Variants in TRPV5 observed in about 807,000 individuals in gnomAD.
The protein encoded by TRPV5 is calcium transport protein 2.
Under a neutral mutation model 74.1 loss-of-function variants are expected in TRPV5, and 66 were observed. That is an observed-to-expected ratio of 0.89 (90% confidence interval 0.73 to 1.09). TRPV5 has a LOEUF of 1.09. Ranked by LOEUF, TRPV5 falls within the 50% of genes least tolerant of loss-of-function variation. The pLI, the probability that TRPV5 is intolerant of heterozygous loss-of-function variation, is 0.00. For synonymous variants in TRPV5, 399 were observed against 360.7 expected (o/e 1.11, Z -1.20); for missense variants, 936 against 930.4 (o/e 1.01, Z -0.08).
chr7:142,925,810 C>T, intron 7 of TRPV5, 69 bp from the exon 8 acceptor site: 2 of 1,358,408 alleles, frequency 1.5e-6, no homozygotes, highest in South Asian at 1.2e-5. Flanking sequence ...CACTGGGGGC[C>T]AGAAGAGGCA....
intron 13 of TRPV5, among the ~76,000 whole-genome samples, chr7:142,910,555 C>T (rs1296338153): frequency 6.6e-6 from 1 of 152,182 alleles, no homozygotes; most frequent in Non-Finnish European, 1.5e-5. Flanking sequence ...TAGATCAGAA[C>T]CAGGAAGGCT....
chr7:142,913,098 C>CAAAA (rs1795730139), intron 12 of TRPV5, among the ~76,000 whole-genome samples: 1 of 152,100 alleles, frequency 6.6e-6, no homozygotes, highest in African/African-American at 2.4e-5. Context: ...TTTTAGAAAA[C>CAAAA]CAAATACTTA....
rs544172413 is a variant in TRPV5 at position 142,928,551 on chromosome 7, G to A, written c.762+140C>T. The A allele has an allele frequency of 4.7e-6, 6 of 1,270,074 alleles. No individual in the cohort carries two copies. The East Asian group carries it at 1.3e-4, about 27-fold the overall frequency. 78.7% of individuals were successfully genotyped at this position (1,270,074 alleles called of 1,614,324 possible). On this transcript the variant is annotated intron_variant, in intron 6 of 14. Transcript: ENST00000265310. Reference sequence around the variant, plus strand: ...ATTTCAGTGATGGAATAGGAAGCAAGGGACCACCATCCCTTTGGGGAGTTT... The same window carrying A: ...ATTTCAGTGATGGAATAGGAAGCAAAGGACCACCATCCCTTTGGGGAGTTT...
Position 142,915,330 on chromosome 7 carries a change from A to G in TRPV5, c.1263T>C (p.Leu421=). ...GASRYFGKTI[L]GGPFHVIIIT... Reference sequence around the variant, plus strand: ...ACATGATGACATGGAATGGCCCCCCAAGAATCGTCTTTCCAAAATAGCGAG... The same window carrying G: ...ACATGATGACATGGAATGGCCCCCCGAGAATCGTCTTTCCAAAATAGCGAG... Residue 421 remains leucine, a synonymous_variant, in exon 10 of 15, where the codon CTT becomes CTC. Coordinates refer to ENST00000265310, the MANE Select transcript of TRPV5 (RefSeq NM_019841.7). 1.9e-6 allele frequency: 3 copies of G among 1,608,620 alleles called. No homozygotes were observed. Among genetic ancestry groups the G allele is most frequent in the Non-Finnish European group, 2.5e-6 (3 of 1,178,720 alleles).
intron 1 of TRPV5, among the ~76,000 whole-genome samples, chr7:142,932,588 G>A (rs1796114571): frequency 6.6e-6 from 1 of 152,128 alleles, no homozygotes; most frequent in Non-Finnish European, 1.5e-5. Context: ...CTGTTGGGTG[G>A]GAGGCAAGCC....
rs1796045633 is a variant in TRPV5, at chr7:142,929,416, C to T, written c.487+12G>A. On this transcript the variant is annotated intron_variant, in intron 4 of 14. Coordinates refer to ENST00000265310, the MANE Select transcript of TRPV5 (RefSeq NM_019841.7). ...CCAGCCAACCATCCTTCAAGCCCAA[C>T]CCTGCTCTCACCAAAGTAGATGAGG... The T allele has an allele frequency of 1.9e-6, 3 of 1,613,512 alleles. No homozygotes were observed. Among genetic ancestry groups the T allele is most frequent in the Non-Finnish European group, 2.5e-6 (3 of 1,179,546 alleles).
chr7:142,930,267 C>A lies in TRPV5; in HGVS notation c.226+82G>T, dbSNP rs144412406. 3.7e-3 allele frequency: 5,967 copies of A among 1,610,134 alleles called. 15 individuals are homozygous for A. Among genetic ancestry groups the A allele is most frequent in the Non-Finnish European group, 4.5e-3 (5,270 of 1,177,104 alleles). On this transcript the variant is annotated intron_variant, in intron 2 of 14. Transcript: ENST00000265310. ...AGGCTCCAGAGACACCCTCCAAGGC[C>A]CTATTTCACAAACTCGAAGTCTTGG... is the stretch of plus-strand genomic sequence containing the variant.
chr7:142,925,884 C>T, intron 7 of TRPV5, 143 bp from the exon 8 acceptor site: 1 of 730,458 alleles, frequency 1.4e-6, no homozygotes, highest in Non-Finnish European at 2.3e-6. Flanking sequence ...AGTATATTTC[C>T]TGCATATGGC....
At chr7:142,924,381 T>TATATACATATACATGTATATATATAC (rs1795947358) in intron 8 of TRPV5, among the ~76,000 whole-genome samples, 2 of 117,180 alleles carry the variant, frequency 1.7e-5, no homozygotes, top group African/African-American at 8.4e-5. Context: ...TATACATATA[T>TATATACATATACATGTATATATATAC]ATATATATAT....
chr7:142,915,087 C>T, intron 10 of TRPV5, 41 bp from the exon 11 acceptor site: 3 of 1,603,696 alleles, frequency 1.9e-6, no homozygotes, highest in Non-Finnish European at 1.7e-6. Context: ...CAAGCTGGAA[C>T]TATTTTAGGT....
Position 142,928,978 on chromosome 7 carries a change from G to A in TRPV5, c.586+44C>T, listed in dbSNP as rs4252408. 3.3e-3 allele frequency: 5,252 copies of A among 1,612,774 alleles called. 150 individuals are homozygous for A. In the African/African-American group the frequency reaches 0.058, roughly 18 times the overall value. On this transcript the variant is annotated intron_variant, in intron 5 of 14. Transcript: ENST00000265310. Reference sequence around the variant, plus strand: ...AGCTCCACTCCTTACCCTGTCCCTCGCTCCCCACAGCATCCCAGCTCCCCT... The same window carrying A: ...AGCTCCACTCCTTACCCTGTCCCTCACTCCCCACAGCATCCCAGCTCCCCT...
At chr7:142,927,040 A>G (rs1796000599) in intron 7 of TRPV5, among the ~76,000 whole-genome samples, 1 of 152,080 alleles carries the variant, frequency 6.6e-6, no homozygotes. Context: ...TCTTCAACAA[A>G]TTTTCGTTTC....
At chr7:142,923,068 G>T (rs747577906) in intron 8 of TRPV5, among the ~76,000 whole-genome samples, 1 of 152,186 alleles carries the variant, frequency 6.6e-6, no homozygotes, top group East Asian at 1.9e-4. Flanking sequence ...AACTAGAAAG[G>T]ATCTTAGGGG....
chr7:142,925,855 A>T (rs1795979706), intron 7 of TRPV5, 114 bp from the exon 8 acceptor site: 1 of 867,926 alleles, frequency 1.2e-6, no homozygotes, highest in South Asian at 1.6e-5. Context: ...CTCATCAGTC[A>T]CTTATTTGAC....
chr7:142,931,829 G>C (rs975489315), intron 1 of TRPV5, among the ~76,000 whole-genome samples: 4 of 152,176 alleles, frequency 2.6e-5, no homozygotes, highest in Non-Finnish European at 5.9e-5. Context: ...AGCCTCCCGA[G>C]TAGCTGGGAC....
chr7:142,910,051 G>A (rs1481475389), intron 13 of TRPV5, among the ~76,000 whole-genome samples: 3 of 152,194 alleles, frequency 2.0e-5, no homozygotes, highest in South Asian at 2.1e-4. Flanking sequence ...ATGACTGCAA[G>A]TTGGCAGGGA....
In TRPV5 at chr7:142,914,626, G is replaced by A; in HGVS notation, c.1519+14C>T. 1 of 1,611,000 alleles carries A rather than the reference G, an allele frequency of 6.2e-7. No homozygotes were observed. Among genetic ancestry groups the A allele is most frequent in the African/African-American group, 1.3e-5 (1 of 74,962 alleles). ...AGATCTGCTGATCTAGTAGAGGAGT[G>A]TATGGTGCCTTACCGGAGGCAAATC... On this transcript the variant is annotated intron_variant, in intron 12 of 14. Transcript: ENST00000265310.
intron 8 of TRPV5, among the ~76,000 whole-genome samples, chr7:142,924,621 G>T (rs1298285807): frequency 2.0e-5 from 3 of 151,896 alleles, no homozygotes; most frequent in South Asian, 2.1e-4. Flanking sequence ...ACCTATGGCT[G>T]CTCTCTCCTG....
At chr7:142,917,314 A>T (rs1462964546) in intron 8 of TRPV5, among the ~76,000 whole-genome samples, 2 of 152,210 alleles carry the variant, frequency 1.3e-5, no homozygotes, top group Non-Finnish European at 2.9e-5. Flanking sequence ...AAATAACATT[A>T]AATATAGAAA....
Sources: allele counts gnomAD v4.1 joint callset (sites outside exome capture counted in the v4.1 genomes callset), GRCh38; gene constraint gnomAD v4.1.1; transcripts MANE v1.5; gene names NCBI Gene and HGNC (gene_info 2026-07-23, HGNC 2026-07-21).